NTM: variants seen among roughly 807,000 people sequenced by gnomAD.
NTM encodes IgLON family member 2.
Under a neutral mutation model 42.1 loss-of-function variants are expected in NTM, and 13 were observed. The observed-to-expected ratio is 0.31, with a 90% CI of 0.20 to 0.49. The LOEUF is 0.49. Among genes scored for constraint, NTM ranks in the 20% least tolerant of loss-of-function variants. The probability of loss-of-function intolerance (pLI) is 0.99; values close to 1 mark genes in which losing one functional copy is unlikely to be tolerated. For missense variants in NTM, 373 were observed against 452.8 expected (o/e 0.82, Z 1.60); for synonymous variants, 187 against 179.2 (o/e 1.04, Z -0.35).
intron 1 of NTM, among the ~76,000 whole-genome samples, chr11:131,532,133 A>C (rs1452256521): frequency 3.3e-5 from 5 of 152,196 alleles, no homozygotes; most frequent in African/African-American, 1.2e-4. Flanking sequence ...ACTGGCATTA[A>C]CTACGTTCAC....
chr11:131,422,991 G>T (rs762316223), intron 1 of NTM, among the ~76,000 whole-genome samples: 2 of 152,154 alleles, frequency 1.3e-5, no homozygotes, highest in Non-Finnish European at 2.9e-5. Flanking sequence ...TTTATTATGT[G>T]CCAGGAATTG....
At chr11:132,225,804 T>G (rs1013731492) in intron 4 of NTM, among the ~76,000 whole-genome samples, 3 of 152,204 alleles carry the variant, frequency 2.0e-5, no homozygotes, top group South Asian at 4.1e-4. Flanking sequence ...GGTGGTTTGC[T>G]GAACCCATCA....
chr11:131,464,708 C>CGGCA (rs1468927886), intron 1 of NTM, among the ~76,000 whole-genome samples: 2 of 152,222 alleles, frequency 1.3e-5, no homozygotes, highest in African/African-American at 4.8e-5. Context: ...GGGGCCAGGA[C>CGGCA]GCCCTTCTGC....
chr11:132,116,046 T>C (rs2063842836), intron 2 of NTM, among the ~76,000 whole-genome samples: 1 of 152,230 alleles, frequency 6.6e-6, no homozygotes, highest in African/African-American at 2.4e-5. Context: ...TCTCTGAGCA[T>C]TTCTCCTTTC....
At chr11:131,665,497 G>C (rs75743584) in intron 1 of NTM, among the ~76,000 whole-genome samples, 10 of 152,152 alleles carry the variant, frequency 6.6e-5, no homozygotes, top group Non-Finnish European at 1.2e-4. Context: ...GGCTAGGACC[G>C]AATCCAATAT....
intron 1 of NTM, among the ~76,000 whole-genome samples, chr11:131,749,823 C>T (rs1391802839): frequency 1.3e-5 from 2 of 152,176 alleles, no homozygotes; most frequent in Non-Finnish European, 1.5e-5. Flanking sequence ...TGGTCTCAAA[C>T]TCCTAACCTC....
intron 1 of NTM, among the ~76,000 whole-genome samples, chr11:131,438,252 A>G (rs1051249154): frequency 2.6e-5 from 4 of 152,006 alleles, no homozygotes; most frequent in Non-Finnish European, 5.9e-5. Flanking sequence ...TCTGACAATT[A>G]TGTGTCTTGG....
rs1272059014 is a variant in NTM at position 132,002,837 on chromosome 11, C to T, written c.167+91189C>T. On this transcript the variant is annotated intron_variant, in intron 2 of 8. Coordinates refer to ENST00000683400, the MANE Select transcript of NTM (RefSeq NM_001352005.2). This position sits in a 1 kb window ranked among gnomAD's most constrained non-coding sequence, Gnocchi z 4.5. ...TTAAAGTTGAAGATTGAGTTTTATA[C>T]ATTTAAAGTCCTAGAACAAAGCCTG... Among the ~76,000 whole-genome samples, 1 of 151,726 alleles carries T rather than the reference C, an allele frequency of 6.6e-6. No homozygotes were observed. The highest frequency in any genetic ancestry group is 1.5e-5 in the Non-Finnish European group (1 of 68,034).
chr11:131,791,273 G>A (rs965934647), intron 1 of NTM, among the ~76,000 whole-genome samples: 1 of 152,108 alleles, frequency 6.6e-6, no homozygotes, highest in African/African-American at 2.4e-5. Flanking sequence ...GATGAATAAG[G>A]TACTTGCAGA....
At chr11:131,448,222 G>A (rs1159805160) in intron 1 of NTM, among the ~76,000 whole-genome samples, 6 of 152,198 alleles carry the variant, frequency 3.9e-5, no homozygotes, top group African/African-American at 1.4e-4. Flanking sequence ...CTCCCACCTT[G>A]CCCTGAGTGA....
intron 4 of NTM, among the ~76,000 whole-genome samples, chr11:132,268,670 CTGTG>C (rs780327988): frequency 0.02 from 2,982 of 146,398 alleles, 50 homozygotes; most frequent in Middle Eastern, 0.041. Flanking sequence ...CTCTCTCTCT[CTGTG>C]TGTGTGTGTG....
intron 2 of NTM, among the ~76,000 whole-genome samples, chr11:132,044,140 GTA>G (rs1447176583): frequency 0.42 from 54,605 of 128,756 alleles, 12,632 homozygotes; most frequent in East Asian, 0.76. Flanking sequence ...ATGTGTGTGT[GTA>G]TGTGCGTGTG....
chr11:131,858,044 C>T lies in NTM; in HGVS notation c.83-53520C>T, dbSNP rs973008460. Among the ~76,000 whole-genome samples the T allele has an allele frequency of 3.9e-5, 6 of 152,048 alleles. No homozygotes were observed. The South Asian group carries it at 8.3e-4, about 21-fold the overall frequency. On this transcript the variant is annotated intron_variant, in intron 1 of 8. Coordinates refer to ENST00000683400, the MANE Select transcript of NTM (RefSeq NM_001352005.2). ...CATCTCTTCCAGCCTCCGCCCCGCC[C>T]ATGCCTCACCCTTCCTTTCCAGTCT...
At chr11:131,934,961 C>T (rs2059049897) in intron 2 of NTM, among the ~76,000 whole-genome samples, 1 of 152,148 alleles carries the variant, frequency 6.6e-6, no homozygotes, top group Non-Finnish European at 1.5e-5. Context: ...TGGGTGACAA[C>T]AGGACGCTGC....
intron 1 of NTM, among the ~76,000 whole-genome samples, chr11:131,504,822 T>G (rs1407789015): frequency 6.6e-6 from 1 of 152,124 alleles, no homozygotes; most frequent in Non-Finnish European, 1.5e-5. Flanking sequence ...CCACTCCTCC[T>G]GCATGCACAT....
intron 1 of NTM, among the ~76,000 whole-genome samples, chr11:131,757,401 G>A (rs933205317): frequency 3.3e-5 from 5 of 152,126 alleles, no homozygotes; most frequent in African/African-American, 1.2e-4. Flanking sequence ...GCTCTTCAAC[G>A]ATATACCAGG....
chr11:131,683,903 C>A (rs1221002368), intron 1 of NTM, among the ~76,000 whole-genome samples: 1 of 152,128 alleles, frequency 6.6e-6, no homozygotes, highest in African/African-American at 2.4e-5. Context: ...AGGCGCTGAT[C>A]TGCTGGAGGG....
At chr11:131,631,497 G>T (rs982846112) in intron 1 of NTM, among the ~76,000 whole-genome samples, 1 of 152,104 alleles carries the variant, frequency 6.6e-6, no homozygotes, top group African/African-American at 2.4e-5. Flanking sequence ...AAGCCACTAA[G>T]AGACTGAAAT....
At chr11:131,687,577 G>T (rs1250106766) in intron 1 of NTM, among the ~76,000 whole-genome samples, 1 of 152,216 alleles carries the variant, frequency 6.6e-6, no homozygotes. Context: ...TTCGCCCCCG[G>T]GGGTGGCTGC....
Sources: allele counts gnomAD v4.1 joint callset (sites outside exome capture counted in the v4.1 genomes callset), GRCh38; gene constraint gnomAD v4.1.1; non-coding constraint Gnocchi (gnomAD v3.1); transcripts MANE v1.5; gene names NCBI Gene and HGNC (gene_info 2026-07-23, HGNC 2026-07-21).